CSF2RB: variants seen among roughly 807,000 people sequenced by gnomAD.
CSF2RB encodes the protein cytokine receptor common subunit beta.
Under a neutral mutation model 67.2 loss-of-function variants are expected in CSF2RB, and 22 were observed. That is an observed-to-expected ratio of 0.33 (90% CI 0.23 to 0.47). The LOEUF is 0.47. Among genes scored for constraint, CSF2RB ranks in the 20% least tolerant of loss-of-function variants. CSF2RB has a pLI of 1.00. For missense variants in CSF2RB, 1,113 were observed against 1,174.5 expected, an observed-to-expected ratio of 0.95 and a Z score of 0.76; for synonymous variants, 507 against 482.9, an observed-to-expected ratio of 1.05 and a Z score of -0.65.
At chr22:36,933,009 C>T (rs1941187029) in intron 9 of CSF2RB, 105 bp downstream of exon 9, 6 of 1,407,530 alleles carry the variant, frequency 4.3e-6, no homozygotes, top group South Asian at 1.3e-5. Context: ...TGGCAGGTGA[C>T]CAGTGAGAGG....
At chr22:36,933,094 A>G (rs564447320) in intron 9 of CSF2RB, among the ~76,000 whole-genome samples, 190 bp downstream of exon 9, 71 of 152,300 alleles carry the variant, frequency 4.7e-4, no homozygotes, top group Non-Finnish European at 9.4e-4. Context: ...GAAGTAACTG[A>G]GGTTTGGAAA....
chr22:36,922,704 G>C (rs527566202), intron 2 of CSF2RB: 2 of 320,338 alleles, frequency 6.2e-6, no homozygotes, highest in Admixed American at 4.4e-5. Context: ...CCTGAAGCCC[G>C]CACTGGGATG....
chr22:36,921,254 GTA>G (rs1940860597), intron 1 of CSF2RB, among the ~76,000 whole-genome samples: 1 of 136,966 alleles, frequency 7.3e-6, no homozygotes, highest in Non-Finnish European at 1.6e-5. Context: ...GTGTGTGTTT[GTA>G]TGTGTGTGTG....
At chr22:36,914,564 G>T (rs901581181) in intron 1 of CSF2RB, among the ~76,000 whole-genome samples, 6 of 152,086 alleles carry the variant, frequency 3.9e-5, no homozygotes, top group Non-Finnish European at 7.4e-5. Flanking sequence ...CTGCTTCAGG[G>T]TGTGTGCAGG....
intron 8 of CSF2RB, 87 bp from the exon 9 acceptor site, chr22:36,932,678 A>G: frequency 6.7e-7 from 1 of 1,502,064 alleles, no homozygotes. Context: ...GCCAGTGGAG[A>G]CAGCCCCAGT....
chr22:36,938,516 A>C lies in CSF2RB; in HGVS notation c.*14A>C, dbSNP rs199604737. ...GAGGTGTGTTGAGACCCCCAGGCCT[A>C]GACAGGCAAGGGGATGGAGAGGGCT... On this transcript the variant is annotated 3_prime_UTR_variant, in exon 14 of 14. Coordinates refer to ENST00000403662, the MANE Select transcript of CSF2RB (RefSeq NM_000395.3). 2 of 1,603,588 alleles carry C rather than the reference A, an allele frequency of 1.2e-6. No homozygotes were observed. Among genetic ancestry groups the C allele is most frequent in the Non-Finnish European group, 1.7e-6 (2 of 1,173,540 alleles).
intron 3 of CSF2RB, among the ~76,000 whole-genome samples, chr22:36,923,968 G>T (rs55731492): frequency 0.051 from 7,757 of 152,166 alleles, 500 homozygotes; most frequent in African/African-American, 0.15. Flanking sequence ...GTGCCACAAG[G>T]GAAGGGGACC....
At chr22:36,933,797 C>T in intron 9 of CSF2RB, 35 bp from the exon 10 acceptor site, 1 of 1,587,876 alleles carries the variant, frequency 6.3e-7, no homozygotes, top group Admixed American at 1.7e-5. Flanking sequence ...CCCACGGGCA[C>T]CGGGCCAGGC....
At chr22:36,925,842 G>A in intron 3 of CSF2RB, 145 bp from the exon 4 acceptor site, 1 of 860,370 alleles carries the variant, frequency 1.2e-6, no homozygotes, top group African/African-American at 1.7e-5. Flanking sequence ...CAGGATGGCA[G>A]CTCCGTGGGC....
chr22:36,935,751 C>T, intron 12 of CSF2RB, 64 bp downstream of exon 12: 1 of 1,528,574 alleles, frequency 6.5e-7, no homozygotes, highest in East Asian at 2.4e-5. Context: ...TGTCTCTGTC[C>T]CCACCTCCTC....
intron 1 of CSF2RB, among the ~76,000 whole-genome samples, chr22:36,920,559 T>C (rs1295470251): frequency 2.6e-5 from 4 of 152,376 alleles, no homozygotes; most frequent in South Asian, 4.1e-4. Context: ...ACTCCATCTA[T>C]GGTATGTTGT....
At chr22:36,913,870 A>T (rs2145758394) in intron 1 of CSF2RB, among the ~76,000 whole-genome samples, 193 bp downstream of exon 1, 1 of 152,036 alleles carries the variant, frequency 6.6e-6, no homozygotes, top group South Asian at 2.1e-4. Flanking sequence ...CGGCCAGTGG[A>T]TGGGGAGGCA....
intron 12 of CSF2RB, among the ~76,000 whole-genome samples, chr22:36,936,266 G>A (rs970045234): frequency 5.3e-5 from 8 of 152,126 alleles, no homozygotes; most frequent in African/African-American, 1.9e-4. Flanking sequence ...CTCTTGGCTG[G>A]TGTGGAGGAG....
In CSF2RB at chr22:36,926,052, C is replaced by T; in HGVS notation, c.266C>T (p.Pro89Leu). 1 of 1,614,222 alleles carries T rather than the reference C, an allele frequency of 6.2e-7. No individual in the cohort carries two copies. Among genetic ancestry groups the T allele is most frequent in the Middle Eastern group, 1.6e-4 (1 of 6,062 alleles). ...ATGCCCTGGTCAGCCTGCCCCCATC[C>T]CCGCTGCGTGCCCAGGAGATGTGTC... is the stretch of plus-strand genomic sequence containing the variant. ...DDMPWSACPH[P>L]RCVPRRCVIP... Residue 89 changes from proline (P) to leucine (L), a missense_variant, in exon 4 of 14, where the codon CCC becomes CTC. This residue lies in a region of CSF2RB where 559 missense variants were observed against 656.5 expected (regional missense o/e 0.85). Coordinates refer to ENST00000403662, the MANE Select transcript of CSF2RB (RefSeq NM_000395.3).
intron 1 of CSF2RB, among the ~76,000 whole-genome samples, chr22:36,915,434 A>G (rs1417825523): frequency 1.3e-5 from 2 of 149,770 alleles, no homozygotes; most frequent in South Asian, 2.1e-4. Context: ...ATATATATAT[A>G]TATATATTCC....
At chr22:36,935,589 A>C (rs781583284) in intron 11 of CSF2RB, 41 bp from the exon 12 acceptor site, 1 of 1,613,762 alleles carries the variant, frequency 6.2e-7, no homozygotes, top group South Asian at 1.1e-5. Context: ...GCAGCTGGCC[A>C]TGAGGTCTCT....
rs371937367 is a variant in CSF2RB at position 36,932,723 on chromosome 22, G to T, written c.1013-42G>T. ...GAGACACGGGGAATGTTCCGTTGGAGGGTGGGTATGATGACTCTCCTGAAA... is the reference window on the plus strand; with the variant it reads ...GAGACACGGGGAATGTTCCGTTGGATGGTGGGTATGATGACTCTCCTGAAA... On this transcript the variant is annotated intron_variant, in intron 8 of 13. Coordinates refer to ENST00000403662, the MANE Select transcript of CSF2RB (RefSeq NM_000395.3). 9 of 1,605,416 alleles carry T rather than the reference G, an allele frequency of 5.6e-6. No individual in the cohort carries two copies. In the African/African-American group the frequency reaches 9.3e-5, roughly 17 times the overall value.
Position 36,938,083 on chromosome 22 carries a change from G to A in CSF2RB, c.2275G>A (p.Val759Met), listed in dbSNP as rs976037618. 5 of 1,613,990 alleles carry A rather than the reference G, an allele frequency of 3.1e-6. No individual in the cohort carries two copies. The African/African-American group carries it at 6.7e-5, about 22-fold the overall frequency. ...ASGPPGAPGP[V>M]KSGFEGYVEL... ...TGGACCCCCTGGAGCCCCAGGCCCTGTGAAGTCAGGGTTTGAGGGCTATGT... is the reference window on the plus strand; with the variant it reads ...TGGACCCCCTGGAGCCCCAGGCCCTATGAAGTCAGGGTTTGAGGGCTATGT... Residue 759 changes from valine (V) to methionine (M), a missense_variant, in exon 14 of 14, where the codon GTG becomes ATG. Physicochemically the swap from Val to Met is conservative, Grantham distance 21. Around this residue, in one of 2 missense-constraint regions of CSF2RB, gnomAD observed 554 missense variants for 517.9 expected, o/e 1.07. Transcript: ENST00000403662.
At chr22:36,935,715 G>C (rs1003533636) in intron 12 of CSF2RB, 28 bp downstream of exon 12, 3 of 1,605,298 alleles carry the variant, frequency 1.9e-6, no homozygotes, top group African/African-American at 2.7e-5. Context: ...GGGGCGGAGT[G>C]GGGGCTTCTC....
Sources: gnomAD v4.1 joint callset for allele counts (sites outside exome capture counted in the v4.1 genomes callset) on GRCh38, gnomAD v4.1.1 for gene constraint, gnomAD v4.1.1 regional missense constraint, MANE v1.5 for transcripts, NCBI Gene and HGNC (gene_info 2026-07-23, HGNC 2026-07-21) for gene names.